Variants in FHOD3 observed in about 807,000 individuals in gnomAD.
The protein encoded by FHOD3 is FH1/FH2 domain-containing protein 3.
A neutral mutation model predicts 173.0 loss-of-function variants in FHOD3; 90 were observed. The ratio of observed to expected loss-of-function variants is 0.52; its 90% CI spans 0.44 to 0.62. The LOEUF is 0.62. Among genes scored for constraint, FHOD3 ranks in the 20% least tolerant of loss-of-function variants. The pLI is 0.00. For synonymous variants in FHOD3, 828 were observed against 823.0 expected, an observed-to-expected ratio of 1.01 and a Z score of -0.10; for missense variants, 1,945 against 2,034.7, an observed-to-expected ratio of 0.96 and a Z score of 0.85.
chr18:36,619,951 G>A (rs2033568013), intron 9 of FHOD3, among the ~76,000 whole-genome samples: 2 of 152,166 alleles, frequency 1.3e-5, no homozygotes, highest in Non-Finnish European at 2.9e-5. Flanking sequence ...CAGGGGTAGG[G>A]CCTGGAGAGC....
At chr18:36,304,117 C>T (rs542472434) in intron 1 of FHOD3, among the ~76,000 whole-genome samples, 4 of 152,100 alleles carry the variant, frequency 2.6e-5, no homozygotes, top group Non-Finnish European at 4.4e-5. Flanking sequence ...AATGCTGATT[C>T]AAATACATTA....
At chr18:36,538,712 A>G (rs1457070919) in intron 5 of FHOD3, among the ~76,000 whole-genome samples, 2 of 152,218 alleles carry the variant, frequency 1.3e-5, no homozygotes, top group Non-Finnish European at 2.9e-5. Context: ...ACATTCTTGG[A>G]GCAACAGTAT....
At position 36,744,181 on chromosome 18, in the gene FHOD3, C is replaced by G; in HGVS notation, c.4029C>G (p.Thr1343=). 6.2e-7 allele frequency: 1 copy of G among 1,613,532 alleles called. No homozygotes were observed. Among genetic ancestry groups the G allele is most frequent in the Non-Finnish European group, 8.5e-7 (1 of 1,179,710 alleles). ...SDLYSEIGAI[T]RSAKVDFDQL... ...TGTACTCGGAGATCGGGGCCATCACCAGGTCAGCCAAGGTATGTCTGTGGA... is the reference window on the plus strand; with the variant it reads ...TGTACTCGGAGATCGGGGCCATCACGAGGTCAGCCAAGGTATGTCTGTGGA... The change falls in exon 23 of 29, where the codon ACC becomes ACG. Residue 1343 remains threonine (T), a synonymous_variant. Transcript: ENST00000590592.
intron 8 of FHOD3, among the ~76,000 whole-genome samples, chr18:36,610,540 C>T (rs1328285657): frequency 2.6e-5 from 4 of 152,156 alleles, no homozygotes; most frequent in Admixed American, 2.6e-4. Context: ...GTGTCCTTAT[C>T]GGGGCCTTGA....
chr18:36,382,468 A>G (rs971253954), intron 3 of FHOD3, among the ~76,000 whole-genome samples: 5 of 152,152 alleles, frequency 3.3e-5, no homozygotes, highest in African/African-American at 9.7e-5. Flanking sequence ...AAGTGTTACA[A>G]TTTTCTTAGT....
intron 3 of FHOD3, among the ~76,000 whole-genome samples, chr18:36,458,484 T>TACA (rs1281355932): frequency 1.3e-4 from 20 of 151,944 alleles, no homozygotes; most frequent in Non-Finnish European, 2.5e-4. Flanking sequence ...GCCACAGAGA[T>TACA]GATTAAAAAC....
chr18:36,330,357 C>G (rs1357966216), intron 1 of FHOD3, among the ~76,000 whole-genome samples: 2 of 152,192 alleles, frequency 1.3e-5, no homozygotes, highest in Admixed American at 6.5e-5. Flanking sequence ...TTTGTGAAAG[C>G]ATTCTGAGCA....
At chr18:36,476,839 G>T (rs1201594342) in intron 3 of FHOD3, among the ~76,000 whole-genome samples, 2 of 152,178 alleles carry the variant, frequency 1.3e-5, no homozygotes, top group African/African-American at 4.8e-5. Flanking sequence ...TAAGCCAAGG[G>T]ACTCTTTGAG....
chr18:36,558,235 G>A (rs1188925721), intron 5 of FHOD3, among the ~76,000 whole-genome samples: 1 of 152,090 alleles, frequency 6.6e-6, no homozygotes, highest in Non-Finnish European at 1.5e-5. Context: ...CAACTTGGAG[G>A]TTTGGATGAG....
At chr18:36,357,294 C>A (rs567933011) in intron 2 of FHOD3, among the ~76,000 whole-genome samples, 2 of 152,194 alleles carry the variant, frequency 1.3e-5, no homozygotes, top group African/African-American at 4.8e-5. Context: ...CTCTTCTCTG[C>A]GGCTAACACT....
chr18:36,697,128 A>C (rs1004498706), intron 17 of FHOD3, among the ~76,000 whole-genome samples: 8 of 152,228 alleles, frequency 5.3e-5, no homozygotes, highest in African/African-American at 1.9e-4. Context: ...GTGTACCCAT[A>C]AGTAAAGTCA....
intron 28 of FHOD3, among the ~76,000 whole-genome samples, chr18:36,773,171 A>G (rs1472833700): frequency 1.3e-5 from 2 of 152,212 alleles, no homozygotes; most frequent in Non-Finnish European, 2.9e-5. Flanking sequence ...GATGCATTAC[A>G]TGGCTCTCTG....
chr18:36,659,298 C>T (rs1194212958), intron 14 of FHOD3, among the ~76,000 whole-genome samples: 1 of 152,146 alleles, frequency 6.6e-6, no homozygotes, highest in Admixed American at 6.6e-5. Context: ...ATTCCACAGT[C>T]CAGTGTGGTC....
At chr18:36,756,678 T>C (rs2042647313) in intron 25 of FHOD3, among the ~76,000 whole-genome samples, 1 of 152,252 alleles carries the variant, frequency 6.6e-6, no homozygotes, top group South Asian at 2.1e-4. Flanking sequence ...GCAATTTTGT[T>C]ATAATTTTAA....
At chr18:36,322,564 G>C (rs925867822) in intron 1 of FHOD3, among the ~76,000 whole-genome samples, 1 of 152,094 alleles carries the variant, frequency 6.6e-6, no homozygotes, top group Non-Finnish European at 1.5e-5. Flanking sequence ...GGTTCCATGG[G>C]GGATTGGTGG....
intron 27 of FHOD3, among the ~76,000 whole-genome samples, chr18:36,765,712 T>A (rs2043110254): frequency 6.6e-6 from 1 of 152,166 alleles, no homozygotes; most frequent in African/African-American, 2.4e-5. Context: ...TGGATGGGCT[T>A]AGCAGAGACT....
At chr18:36,360,483 T>C (rs1355060904) in intron 2 of FHOD3, among the ~76,000 whole-genome samples, 4 of 152,160 alleles carry the variant, frequency 2.6e-5, no homozygotes, top group Non-Finnish European at 4.4e-5. Flanking sequence ...CCTGGGCCCA[T>C]GTGTCTATGT....
At chr18:36,404,435 G>A (rs2048966716) in intron 3 of FHOD3, among the ~76,000 whole-genome samples, 1 of 152,238 alleles carries the variant, frequency 6.6e-6, no homozygotes, top group Non-Finnish European at 1.5e-5. Flanking sequence ...AAGTGTGAAA[G>A]ACTTGGCCCA....
intron 3 of FHOD3, among the ~76,000 whole-genome samples, chr18:36,378,064 C>T (rs1302030807): frequency 6.6e-6 from 1 of 152,128 alleles, no homozygotes; most frequent in Admixed American, 6.5e-5. Context: ...ATTGAGTCAT[C>T]ACACTTCCTA....
Sources: allele counts gnomAD v4.1 joint callset (sites outside exome capture counted in the v4.1 genomes callset), GRCh38; gene constraint gnomAD v4.1.1; transcripts MANE v1.5; gene names NCBI Gene and HGNC (gene_info 2026-07-23, HGNC 2026-07-21).